The following HPSE2 variants were observed in gnomAD, a reference collection of about 807,000 sequenced individuals.
HPSE2 encodes the protein inactive heparanase-2.
A neutral mutation model predicts 60.5 loss-of-function variants in HPSE2; 38 were observed. The ratio of observed to expected loss-of-function variants is 0.63; its 90% confidence interval spans 0.48 to 0.82. The LOEUF (loss-of-function observed/expected upper bound fraction) is 0.82, where lower values mean the gene tolerates loss of function less well. Among genes scored for constraint, HPSE2 ranks in the 40% least tolerant of loss-of-function variants. HPSE2 has a pLI of 0.00. For missense variants in HPSE2, 713 were observed against 740.4 expected (o/e 0.96, Z 0.43); for synonymous variants, 295 against 293.2 (o/e 1.01, Z -0.06).
At chr10:98,823,562 G>A in intron 3 of HPSE2, among the ~76,000 whole-genome samples, 1 of 152,164 alleles carries the variant, frequency 6.6e-6, no homozygotes, top group Non-Finnish European at 1.5e-5. Flanking sequence ...GGAGTTCAAG[G>A]ATGCAGTGAG....
At chr10:98,532,484 A>T (rs1016185399) in intron 9 of HPSE2, among the ~76,000 whole-genome samples, 1 of 152,138 alleles carries the variant, frequency 6.6e-6, no homozygotes, top group African/African-American at 2.4e-5. Flanking sequence ...AAAGATGCCT[A>T]CCTCAGGGGG....
intron 9 of HPSE2, among the ~76,000 whole-genome samples, chr10:98,516,335 C>T (rs550594140): frequency 1.3e-3 from 194 of 152,222 alleles, no homozygotes; most frequent in African/African-American, 4.5e-3. Flanking sequence ...AGTATGTATT[C>T]GGTGCTTTAT....
At chr10:98,859,571 C>T (rs1952404119) in intron 3 of HPSE2, among the ~76,000 whole-genome samples, 1 of 152,060 alleles carries the variant, frequency 6.6e-6, no homozygotes, top group Non-Finnish European at 1.5e-5. Context: ...CTTCTCCTGC[C>T]CTTGGACAAT....
chr10:98,581,187 G>A (rs570895982), intron 9 of HPSE2, among the ~76,000 whole-genome samples: 1 of 152,014 alleles, frequency 6.6e-6, no homozygotes, highest in African/African-American at 2.4e-5. Flanking sequence ...ACAGGTGTGA[G>A]CCACTGTGCC....
At chr10:98,839,718 G>A (rs1951867717) in intron 3 of HPSE2, among the ~76,000 whole-genome samples, 1 of 152,180 alleles carries the variant, frequency 6.6e-6, no homozygotes, top group Admixed American at 6.5e-5. Flanking sequence ...GACCTCCTGA[G>A]TTCTCAGATG....
At chr10:99,094,540 A>ATATTTT (rs1843646305) in intron 3 of HPSE2, among the ~76,000 whole-genome samples, 1 of 26,614 alleles carries the variant, frequency 3.8e-5, no homozygotes, top group African/African-American at 1.7e-4. Flanking sequence ...ATATATATAT[A>ATATTTT]TTTTTTTTTT....
intron 9 of HPSE2, among the ~76,000 whole-genome samples, chr10:98,568,308 AACTT>A (rs1484476658): frequency 6.6e-6 from 1 of 152,150 alleles, no homozygotes; most frequent in East Asian, 1.9e-4. Flanking sequence ...ACTTCTATAT[AACTT>A]GCAATTGTTA....
chr10:99,277,666 G>A, the HPSE2 span, among the ~76,000 whole-genome samples: 10 of 152,166 alleles, frequency 6.6e-5, no homozygotes, highest in Admixed American at 4.6e-4. Context: ...AACATTTAGC[G>A]TTTGTGTATC....
chr10:98,529,602 T>C (rs1943072616), intron 9 of HPSE2, among the ~76,000 whole-genome samples: 3 of 152,200 alleles, frequency 2.0e-5, no homozygotes, highest in Admixed American at 2.0e-4. Context: ...CTTGCCTTTC[T>C]AATCTCTGAT....
intron 2 of HPSE2, among the ~76,000 whole-genome samples, chr10:99,214,639 CATCAGGGTGA>C (rs1236957624): frequency 6.6e-6 from 1 of 152,052 alleles, no homozygotes; most frequent in Non-Finnish European, 1.5e-5. Context: ...AAGAAACTAT[CATCAGGGTGA>C]ACAGGCAACC....
intron 3 of HPSE2, among the ~76,000 whole-genome samples, chr10:98,992,204 T>G (rs548422026): frequency 6.6e-6 from 1 of 152,272 alleles, no homozygotes; most frequent in East Asian, 1.9e-4. Flanking sequence ...ATAAAATACT[T>G]TATTGTTCCC....
chr10:98,922,208 T>C (rs777391887), intron 3 of HPSE2, among the ~76,000 whole-genome samples: 14 of 152,244 alleles, frequency 9.2e-5, no homozygotes, highest in Non-Finnish European at 2.1e-4. Flanking sequence ...GTGTATTTTA[T>C]ACTTGCAGCA....
At chr10:98,770,494 A>G (rs753054680) in intron 3 of HPSE2, among the ~76,000 whole-genome samples, 4 of 152,208 alleles carry the variant, frequency 2.6e-5, no homozygotes, top group Non-Finnish European at 4.4e-5. Flanking sequence ...GCTTCTAGTC[A>G]ATGACTGAAC....
intron 4 of HPSE2, among the ~76,000 whole-genome samples, chr10:98,729,566 G>A (rs77148868): frequency 0.15 from 22,216 of 151,938 alleles, 1,968 homozygotes; most frequent in Admixed American, 0.23. Flanking sequence ...CCGAGATCAC[G>A]CCATTGCACT....
chr10:99,294,042 C>A, the HPSE2 span, among the ~76,000 whole-genome samples: 1 of 152,142 alleles, frequency 6.6e-6, no homozygotes, highest in Non-Finnish European at 1.5e-5. Context: ...TGCTACTAAA[C>A]CTACTTAGGG....
At chr10:98,822,083 A>G (rs533870588) in intron 3 of HPSE2, among the ~76,000 whole-genome samples, 39 of 152,322 alleles carry the variant, frequency 2.6e-4, no homozygotes, top group African/African-American at 8.7e-4. Context: ...AACCTTACTC[A>G]AAATGACATA....
chr10:99,263,445 G>A, the HPSE2 span, among the ~76,000 whole-genome samples: 3 of 152,258 alleles, frequency 2.0e-5, no homozygotes, highest in African/African-American at 7.2e-5. Flanking sequence ...TCCTCGCTAC[G>A]CAAGGGTCCT....
At chr10:98,636,226 A>T (rs1946495559) in intron 7 of HPSE2, among the ~76,000 whole-genome samples, 2 of 142,520 alleles carry the variant, frequency 1.4e-5, no homozygotes, top group Admixed American at 1.6e-4. Context: ...TAAATGTGTG[A>T]ATTATCCTGT....
intron 3 of HPSE2, among the ~76,000 whole-genome samples, chr10:98,753,416 G>C (rs1372394932): frequency 2.0e-5 from 3 of 152,136 alleles, no homozygotes; most frequent in Non-Finnish European, 4.4e-5. Context: ...CAGAAGAACT[G>C]ACAGTGGGGA....
Sources: allele counts gnomAD v4.1 joint callset (sites outside exome capture counted in the v4.1 genomes callset), GRCh38; gene constraint gnomAD v4.1.1; transcripts MANE v1.5; gene names NCBI Gene and HGNC (gene_info 2026-07-23, HGNC 2026-07-21).